RAD51B: variants seen among roughly 807,000 people sequenced by gnomAD.
The protein encoded by RAD51B is DNA repair protein RAD51 homolog 2.
A neutral mutation model predicts 42.2 loss-of-function variants in RAD51B; 38 were observed. The ratio of observed to expected loss-of-function variants is 0.90; its 90% confidence interval spans 0.70 to 1.18. RAD51B has a LOEUF of 1.18. Among genes scored for constraint, RAD51B ranks in the 50% most tolerant of loss-of-function variants. The pLI is 0.00. For synonymous variants in RAD51B, 154 were observed against 145.2 expected (o/e 1.06, Z -0.43); for missense variants, 373 against 400.7 (o/e 0.93, Z 0.59).
intron 10 of RAD51B, among the ~76,000 whole-genome samples, chr14:68,507,081 T>C (rs1594924664): frequency 1.3e-5 from 2 of 149,432 alleles, no homozygotes; most frequent in Non-Finnish European, 3.0e-5. Flanking sequence ...GTGGAGGGGG[T>C]GGGGAGGGAG....
chr14:68,670,826 C>T (rs1893140959), intron 11 of RAD51B, among the ~76,000 whole-genome samples: 1 of 152,200 alleles, frequency 6.6e-6, no homozygotes, highest in Non-Finnish European at 1.5e-5. Context: ...GTACCAAAGA[C>T]CCTTTCTTTC....
intron 10 of RAD51B, among the ~76,000 whole-genome samples, chr14:68,498,565 T>A (rs1283806469): frequency 6.6e-6 from 1 of 152,212 alleles, no homozygotes; most frequent in Non-Finnish European, 1.5e-5. Context: ...GACTGAACTC[T>A]ACACATGCTA....
intron 7 of RAD51B, among the ~76,000 whole-genome samples, chr14:68,012,448 AGAGAGAGC>A (rs2075700631): frequency 6.7e-6 from 1 of 149,080 alleles, no homozygotes; most frequent in African/African-American, 2.5e-5. Context: ...ATATATATCT[AGAGAGAGC>A]GAGAGAGGAG....
chr14:68,647,968 C>A (rs1016833902), intron 10 of RAD51B, among the ~76,000 whole-genome samples: 1 of 148,856 alleles, frequency 6.7e-6, no homozygotes, highest in Non-Finnish European at 1.5e-5. Flanking sequence ...TGAGCCACTG[C>A]ACCCAGCCAC....
rs577122757 is a variant in RAD51B at position 68,565,780 on chromosome 14, T to C, written c.1037-28705T>C. 3.0e-4 allele frequency among the ~76,000 whole-genome samples: 45 copies of C among 152,336 alleles called. No individual in the cohort carries two copies. In the South Asian group the frequency reaches 9.3e-3, roughly 32 times the overall value. On this transcript the variant is annotated intron_variant, in intron 10 of 10. Transcript: ENST00000487270. The surrounding 1 kb of genome is among the most constrained non-coding windows in gnomAD (Gnocchi z 4.1). ...ACTTAACATCTTCATGTCAATATTA[T>C]CTTATAAAACACTGCTGAAAAGGTG...
intron 10 of RAD51B, among the ~76,000 whole-genome samples, chr14:68,526,949 G>T (rs1252795425): frequency 6.6e-6 from 1 of 152,222 alleles, no homozygotes; most frequent in African/African-American, 2.4e-5. Flanking sequence ...TGGCCAGCCT[G>T]CCCTGACAAC....
intron 11 of RAD51B, among the ~76,000 whole-genome samples, chr14:68,675,104 TG>T (rs201421774): frequency 0.018 from 2,805 of 152,270 alleles, 92 homozygotes; most frequent in African/African-American, 0.065. Flanking sequence ...TAGACAGCTC[TG>T]CCCAGCCTGG....
chr14:67,928,868 A>G (rs1032072679), intron 7 of RAD51B, among the ~76,000 whole-genome samples: 3 of 150,506 alleles, frequency 2.0e-5, no homozygotes, highest in African/African-American at 7.3e-5. Flanking sequence ...GAATTTCTCC[A>G]TTTTCTCTAG....
chr14:68,104,164 A>G (rs908022665), intron 7 of RAD51B, among the ~76,000 whole-genome samples: 1 of 152,208 alleles, frequency 6.6e-6, no homozygotes, highest in Non-Finnish European at 1.5e-5. Context: ...CTAACAGTCT[A>G]CAGAAGTTTT....
chr14:68,410,247 G>C (rs1383060754), intron 8 of RAD51B, among the ~76,000 whole-genome samples: 1 of 152,072 alleles, frequency 6.6e-6, no homozygotes, highest in Admixed American at 6.6e-5. Flanking sequence ...GCAGCATTTG[G>C]GCCCAGGTGC....
At chr14:68,292,065 A>G in intron 8 of RAD51B, 85 bp downstream of exon 8, 1 of 1,263,358 alleles carries the variant, frequency 7.9e-7, no homozygotes, top group Admixed American at 1.7e-5. Context: ...GAGCTGGGAG[A>G]TATGGCTAAT....
intron 7 of RAD51B, among the ~76,000 whole-genome samples, chr14:67,887,824 G>C (rs2043107832): frequency 6.6e-6 from 1 of 152,156 alleles, no homozygotes; most frequent in Admixed American, 6.6e-5. Flanking sequence ...AAGATGACAG[G>C]CTATTACAAG....
intron 5 of RAD51B, among the ~76,000 whole-genome samples, chr14:67,878,052 A>T (rs893538457): frequency 6.6e-6 from 1 of 152,136 alleles, no homozygotes; most frequent in African/African-American, 2.4e-5. Flanking sequence ...AGTTATCAAG[A>T]TATTGTCTTA....
chr14:68,465,114 G>A (rs1285464911), intron 9 of RAD51B, among the ~76,000 whole-genome samples: 3 of 152,110 alleles, frequency 2.0e-5, no homozygotes, highest in African/African-American at 7.2e-5. Context: ...AAAATAAAAA[G>A]GGTAATATTT....
intron 7 of RAD51B, among the ~76,000 whole-genome samples, chr14:67,892,574 G>A (rs1324959492): frequency 1.3e-5 from 2 of 152,188 alleles, no homozygotes; most frequent in Non-Finnish European, 2.9e-5. Flanking sequence ...CTGGCTCCTG[G>A]GAGATGAGTG....
intron 9 of RAD51B, among the ~76,000 whole-genome samples, chr14:68,421,206 G>C (rs998557799): frequency 6.6e-6 from 1 of 152,052 alleles, no homozygotes; most frequent in African/African-American, 2.4e-5. Flanking sequence ...CCCTTCCTCT[G>C]CTTGTGTGTG....
At chr14:68,338,737 T>TAA in intron 8 of RAD51B, 1 of 421,488 alleles carries the variant, frequency 2.4e-6, no homozygotes, top group Non-Finnish European at 4.6e-6. Context: ...TTTAACCCAG[T>TAA]TCAGTGGCAA....
At chr14:68,473,803 C>T (rs1453995768) in intron 10 of RAD51B, among the ~76,000 whole-genome samples, 3 of 152,182 alleles carry the variant, frequency 2.0e-5, no homozygotes, top group Non-Finnish European at 4.4e-5. Context: ...CCACATTCCT[C>T]CACAAAAGTG....
chr14:68,175,603 A>T (rs923084497), intron 7 of RAD51B, among the ~76,000 whole-genome samples: 1 of 152,214 alleles, frequency 6.6e-6, no homozygotes, highest in Non-Finnish European at 1.5e-5. Context: ...AAGTGTGCCC[A>T]TGTCTCACTG....
Sources: gnomAD v4.1 joint callset for allele counts (sites outside exome capture counted in the v4.1 genomes callset) on GRCh38, gnomAD v4.1.1 for gene constraint, Gnocchi (gnomAD v3.1) non-coding constraint, MANE v1.5 for transcripts, NCBI Gene and HGNC (gene_info 2026-07-23, HGNC 2026-07-21) for gene names.